The following LRRC32 variants were observed in gnomAD, a reference collection of about 807,000 sequenced individuals.
LRRC32 encodes leucine rich repeat containing 32.
Under a neutral mutation model 15.0 loss-of-function variants are expected in LRRC32, and 5 were observed. The observed-to-expected ratio is 0.33, with a 90% CI of 0.17 to 0.70. The LOEUF (loss-of-function observed/expected upper bound fraction) is 0.70, where lower values mean the gene tolerates loss of function less well. LRRC32 is among the 30% of genes least tolerant of loss of function. The pLI is 0.66. For missense variants in LRRC32, 803 were observed against 854.2 expected (o/e 0.94, Z 0.75); for synonymous variants, 391 against 403.9 (o/e 0.97, Z 0.38).
In LRRC32 at chr11:76,662,145, G is replaced by A. The variant is rs370496131; in HGVS notation, c.85-637C>T. ...TTCCTTGTGGATGCTTCCGAGATGT[G>A]GCTTCCTCTCTGTTGCTGTTACCTC... On this transcript the variant is annotated intron_variant, in intron 2 of 2. Transcript: ENST00000260061. Among the ~76,000 whole-genome samples the A allele has an allele frequency of 3.2e-4, 48 of 152,232 alleles. 1 individual carries two copies. The South Asian group carries it at 9.7e-3, about 31-fold the overall frequency.
At position 76,659,573 on chromosome 11, in the gene LRRC32, C is replaced by T. The variant is rs906177777; in HGVS notation, c.*31G>A. 5.6e-6 allele frequency: 9 copies of T among 1,599,396 alleles called. No homozygotes were observed. The Middle Eastern group carries it at 5.2e-4, about 93-fold the overall frequency. ...TCACTCTTCTCTGTACCTCAGGCTCCCCCACTGACCTAGAGTGTCTCCCGG... is the reference window on the plus strand; with the variant it reads ...TCACTCTTCTCTGTACCTCAGGCTCTCCCACTGACCTAGAGTGTCTCCCGG... On this transcript the variant is annotated 3_prime_UTR_variant, in exon 3 of 3. Transcript: ENST00000260061.
At position 76,670,599 on chromosome 11, in the gene LRRC32, C is replaced by A. The variant is rs1952696143; in HGVS notation, c.-5+15G>T. The A allele has an allele frequency of 6.6e-6, 1 of 152,118 alleles. No individual in the cohort carries two copies. Among genetic ancestry groups the A allele is most frequent in the African/African-American group, 2.4e-5 (1 of 41,422 alleles). The allele number at this position is 152,118 out of a possible 1,614,324, so 9.4% of individuals were successfully genotyped here. On this transcript the variant is annotated intron_variant, in intron 1 of 2. Coordinates refer to ENST00000260061, the MANE Select transcript of LRRC32 (RefSeq NM_001128922.2). ...CCCGAGGGCCGGCCAGCCTCGCCTG[C>A]CCGGCGGCTCCTACCTGGCTCAGCG...
intron 1 of LRRC32, among the ~76,000 whole-genome samples, chr11:76,669,568 G>C (rs1477552044): frequency 6.6e-6 from 1 of 152,090 alleles, no homozygotes; most frequent in East Asian, 1.9e-4. Context: ...TTACGGATGA[G>C]AAAACAGTTT....
chr11:76,662,143 G>T (rs1477527908), intron 2 of LRRC32, among the ~76,000 whole-genome samples: 1 of 152,146 alleles, frequency 6.6e-6, no homozygotes, highest in Non-Finnish European at 1.5e-5. Context: ...CTTCCGAGAT[G>T]TGGCTTCCTC....
At chr11:76,661,552 CG>C in intron 2 of LRRC32, 44 bp from the exon 3 acceptor site, 1 of 1,522,620 alleles carries the variant, frequency 6.6e-7, no homozygotes, top group East Asian at 2.4e-5. Flanking sequence ...TAAGTGGGCA[CG>C]GTAGGGGATG....
At chr11:76,662,390 A>G (rs1253182960) in intron 2 of LRRC32, among the ~76,000 whole-genome samples, 1 of 152,142 alleles carries the variant, frequency 6.6e-6, no homozygotes, top group Admixed American at 6.5e-5. Context: ...TTTCAGGCCC[A>G]TGGTCCCATT....
intron 2 of LRRC32, among the ~76,000 whole-genome samples, chr11:76,665,521 T>C (rs1455256080): frequency 6.6e-6 from 1 of 152,002 alleles, no homozygotes; most frequent in Non-Finnish European, 1.5e-5. Context: ...TCCCCACACA[T>C]ATATATATAT....
Position 76,658,488 on chromosome 11 carries a change from T to G in LRRC32, c.*1116A>C, listed in dbSNP as rs1278486715. 1.3e-5 allele frequency: 2 copies of G among 152,264 alleles called. No homozygotes were observed. Among genetic ancestry groups the G allele is most frequent in the Non-Finnish European group, 2.9e-5 (2 of 68,142 alleles). The allele number at this position is 152,264 out of a possible 1,614,324, so 9.4% of individuals were successfully genotyped here. A position where few individuals can be genotyped will look rare whatever the true frequency, so the allele number is the denominator to read the frequency against. On this transcript the variant is annotated 3_prime_UTR_variant, in exon 3 of 3. Coordinates refer to ENST00000260061, the MANE Select transcript of LRRC32 (RefSeq NM_001128922.2). ...GCTTCCAGACCCTGCTCGGGCTATG[T>G]GGGGCCACTTCCTGTCCACTTAACG...
At chr11:76,667,292 C>G (rs771913095) in intron 1 of LRRC32, among the ~76,000 whole-genome samples, 38 of 152,240 alleles carry the variant, frequency 2.5e-4, no homozygotes, top group Non-Finnish European at 4.6e-4. Context: ...GAACAAGCCA[C>G]CGGCCCAGGT....
intron 2 of LRRC32, among the ~76,000 whole-genome samples, chr11:76,664,666 C>T (rs749023308): frequency 6.6e-6 from 1 of 152,222 alleles, no homozygotes; most frequent in Non-Finnish European, 1.5e-5. Context: ...GTATTATTCC[C>T]ATGCTGGTTC....
intron 1 of LRRC32, among the ~76,000 whole-genome samples, chr11:76,667,470 T>G (rs943655641): frequency 2.0e-5 from 3 of 152,230 alleles, no homozygotes; most frequent in East Asian, 1.9e-4. Flanking sequence ...CCGCTAGTGA[T>G]GAGCTATGGA....
In LRRC32 at chr11:76,657,595, A is replaced by C. The variant is rs7685; in HGVS notation, c.*2009T>G. On this transcript the variant is annotated 3_prime_UTR_variant, in exon 3 of 3. Coordinates refer to ENST00000260061, the MANE Select transcript of LRRC32 (RefSeq NM_001128922.2). ...AGAGTTGGTCCCGAGGCCTGGGCTGAGGCCTGGGCCCTGGGAAGTGACAGC... is the reference window on the plus strand; with the variant it reads ...AGAGTTGGTCCCGAGGCCTGGGCTGCGGCCTGGGCCCTGGGAAGTGACAGC... 51,876 of 152,804 alleles carry C rather than the reference A, an allele frequency of 0.34. 8,956 individuals carry two copies. The highest frequency in any genetic ancestry group is 0.36 in the Admixed American group (5,500 of 15,298). The allele number at this position is 152,804 out of a possible 1,614,324, so 9.5% of individuals were successfully genotyped here. A position where few individuals can be genotyped will look rare whatever the true frequency, so the allele number is the denominator to read the frequency against.
At chr11:76,669,763 C>G (rs1315209959) in intron 1 of LRRC32, 1 of 152,276 alleles carries the variant, frequency 6.6e-6, no homozygotes, top group Admixed American at 6.5e-5. Context: ...GTGACTTACC[C>G]AAAGTCACAC....
chr11:76,661,627 G>A, intron 2 of LRRC32, 119 bp from the exon 3 acceptor site: 4 of 1,433,300 alleles, frequency 2.8e-6, no homozygotes, highest in Admixed American at 2.7e-5. Context: ...TGGACTCCCA[G>A]AATGCTCAAC....
At chr11:76,661,644 C>T (rs1284607298) in intron 2 of LRRC32, 136 bp from the exon 3 acceptor site, 4 of 1,396,580 alleles carry the variant, frequency 2.9e-6, no homozygotes, top group Non-Finnish European at 3.8e-6. Context: ...CAACTTTCCC[C>T]CACCGCAGCC....
chr11:76,670,514 G>C (rs1952694394), intron 1 of LRRC32, 100 bp downstream of exon 1: 1 of 152,066 alleles, frequency 6.6e-6, no homozygotes, highest in South Asian at 2.1e-4. Flanking sequence ...AGTGTTTGGG[G>C]GGCGTCCCTT....
chr11:76,661,201 A>G lies in LRRC32; in HGVS notation c.392T>C (p.Leu131Pro), dbSNP rs1952524385. ...GPLPRVTSLD[L>P]SGNSLYSGLL... ...GCCGCTGTACAGGCTGTTCCCAGAC[A>G]GGTCCAGGGAGGTCACGCGTGGCAG... The change falls in exon 3 of 3, where the codon CTG becomes CCG. Residue 131 changes from leucine to proline, a missense_variant. Coordinates refer to ENST00000260061, the MANE Select transcript of LRRC32 (RefSeq NM_001128922.2). 1 of 1,613,788 alleles carries G rather than the reference A, an allele frequency of 6.2e-7. No individual in the cohort carries two copies. The highest frequency in any genetic ancestry group is 8.5e-7 in the Non-Finnish European group (1 of 1,179,912).
rs1952487525 is a variant in LRRC32 at position 76,660,125 on chromosome 11, C to T, written c.1468G>A (p.Glu490Lys). 6.2e-7 allele frequency: 1 copy of T among 1,611,198 alleles called. No homozygotes were observed. Among genetic ancestry groups the T allele is most frequent in the African/African-American group, 1.3e-5 (1 of 74,738 alleles). Reference protein sequence around the residue: ...EVATGALGGLEASLEVLALQG... With the variant: ...EVATGALGGLKASLEVLALQG... ...AGTGCCAGGACCTCCAAGGAGGCCTCCAGGCCTCCCAAGGCCCCCGTGGCC... is the reference window on the plus strand; with the variant it reads ...AGTGCCAGGACCTCCAAGGAGGCCTTCAGGCCTCCCAAGGCCCCCGTGGCC... Residue 490 changes from glutamate (E) to lysine (K), a missense_variant, in exon 3 of 3, where the codon GAG (glutamate) becomes AAG (lysine). Physicochemically the swap from Glu to Lys is moderately conservative, Grantham distance 56. Coordinates refer to ENST00000260061, the MANE Select transcript of LRRC32 (RefSeq NM_001128922.2).
intron 2 of LRRC32, among the ~76,000 whole-genome samples, chr11:76,662,318 C>T (rs759696847): frequency 4.6e-5 from 7 of 152,204 alleles, no homozygotes; most frequent in Non-Finnish European, 7.3e-5. Context: ...AGTCACATAA[C>T]CACTCTGTTT....
Sources: gnomAD v4.1 joint callset for allele counts (sites outside exome capture counted in the v4.1 genomes callset) on GRCh38, gnomAD v4.1.1 for gene constraint, MANE v1.5 for transcripts, NCBI Gene and HGNC (gene_info 2026-07-23, HGNC 2026-07-21) for gene names.